The following HMCN2 variants were observed in gnomAD, a reference collection of about 807,000 sequenced individuals.
HMCN2 encodes the protein hemicentin 2, also known as hemicentin-2.
A neutral mutation model predicts 377.5 loss-of-function variants in HMCN2; 325 were observed. The ratio of observed to expected loss-of-function variants is 0.86; its 90% confidence interval spans 0.79 to 0.94. The LOEUF (loss-of-function observed/expected upper bound fraction) is 0.94. Among genes scored for constraint, HMCN2 ranks in the 40% least tolerant of loss-of-function variants. The probability of loss-of-function intolerance (pLI) is 0.00; values close to 1 mark genes in which losing one functional copy is unlikely to be tolerated. For missense variants in HMCN2, 4,543 were observed against 4,725.3 expected, an observed-to-expected ratio of 0.96 and a Z score of 1.13; for synonymous variants, 2,007 against 2,046.8, an observed-to-expected ratio of 0.98 and a Z score of 0.53.
intron 85 of HMCN2, among the ~76,000 whole-genome samples, chr9:130,412,074 C>T (rs942103681): frequency 3.3e-5 from 5 of 152,162 alleles, no homozygotes; most frequent in East Asian, 1.9e-4. Context: ...CGGGTTCAGG[C>T]GTTTCTCCTG....
chr9:130,336,058 G>A (rs1263116767), intron 22 of HMCN2, among the ~76,000 whole-genome samples: 3 of 152,240 alleles, frequency 2.0e-5, no homozygotes, highest in Admixed American at 6.5e-5. Context: ...CTGTAGCCCA[G>A]GAGACCTGCT....
At chr9:130,357,515 T>G (rs545520593) in intron 34 of HMCN2, among the ~76,000 whole-genome samples, 50 of 129,364 alleles carry the variant, frequency 3.9e-4, no homozygotes, top group African/African-American at 1.4e-3. Context: ...GATTGGTAGA[T>G]GATGGATGGG....
chr9:130,345,786 G>A (rs1713743101), intron 25 of HMCN2, among the ~76,000 whole-genome samples: 1 of 151,978 alleles, frequency 6.6e-6, no homozygotes, highest in Non-Finnish European at 1.5e-5. Context: ...GAGCGTGGGT[G>A]GACATGGAGC....
chr9:130,419,642 A>G (rs1843877758), intron 86 of HMCN2: 2 of 152,228 alleles, frequency 1.3e-5, no homozygotes, highest in Admixed American at 6.5e-5. Context: ...AACACTCCAT[A>G]TATGTGGGGA....
At chr9:130,398,187 T>C (rs115005800) in intron 74 of HMCN2, among the ~76,000 whole-genome samples, 1 of 126,920 alleles carries the variant, frequency 7.9e-6, no homozygotes. Context: ...AAGTAAAACA[T>C]GTGAAAGGAT....
chr9:130,329,876 C>T (rs1293873992), intron 22 of HMCN2, among the ~76,000 whole-genome samples: 1 of 152,138 alleles, frequency 6.6e-6, no homozygotes, highest in Non-Finnish European at 1.5e-5. Flanking sequence ...ACACCCCCTC[C>T]GTCCCTCAGT....
At position 130,307,548 on chromosome 9, in the gene HMCN2, C is replaced by G. The variant is rs782426971; in HGVS notation, c.2182C>G (p.Arg728Gly). Residue 728 changes from arginine to glycine, a missense_variant, in exon 14 of 98, where the codon CGA (arginine) becomes GGA (glycine). Arg to Gly is a moderately radical substitution (Grantham distance 125). This residue lies in a region of HMCN2 where 547 missense variants were observed against 189.9 expected (regional missense o/e 2.88). Coordinates refer to ENST00000683500, the MANE Select transcript of HMCN2 (RefSeq NM_001291815.2). The part of the protein sequence containing the change: ...VCEASGVPPP[R>G]VIWYRGGLEM... ...TGAGGCATCTGGGGTTCCCCCGCCCCGAGTCATCTGGTATCGAGGTGTGTT... is the reference window on the plus strand; with the variant it reads ...TGAGGCATCTGGGGTTCCCCCGCCCGGAGTCATCTGGTATCGAGGTGTGTT... 2.1e-6 allele frequency: 1 copy of G among 470,980 alleles called. No homozygotes were observed. The highest frequency in any genetic ancestry group is 2.4e-5 in the Admixed American group (1 of 42,548). 29.2% of individuals were successfully genotyped at this position (470,980 alleles called of 1,614,324 possible).
chr9:130,344,546 T>C (rs1266882633), intron 25 of HMCN2, among the ~76,000 whole-genome samples: 5 of 149,214 alleles, frequency 3.4e-5, no homozygotes, highest in Admixed American at 1.3e-4. Context: ...GTGTATGTGG[T>C]ATGTGGTGTT....
chr9:130,299,348 C>T (rs1487249049), intron 8 of HMCN2, 60 bp downstream of exon 8: 2 of 386,722 alleles, frequency 5.2e-6, no homozygotes, highest in African/African-American at 4.2e-5. Context: ...CCATTTCATC[C>T]TGGAGCCTTC....
At chr9:130,301,106 G>C (rs1404544676) in intron 8 of HMCN2, among the ~76,000 whole-genome samples, 1 of 152,220 alleles carries the variant, frequency 6.6e-6, no homozygotes, top group African/African-American at 2.4e-5. Context: ...GGTGCCCATC[G>C]TGCCTACAGT....
intron 61 of HMCN2, among the ~76,000 whole-genome samples, chr9:130,387,004 G>A (rs980681004): frequency 2.0e-5 from 3 of 152,214 alleles, no homozygotes; most frequent in African/African-American, 7.2e-5. Flanking sequence ...CCATGACAGT[G>A]TCTATAAAGT....
chr9:130,408,395 C>T (rs1321467257), intron 83 of HMCN2, among the ~76,000 whole-genome samples: 1 of 152,240 alleles, frequency 6.6e-6, no homozygotes, highest in Non-Finnish European at 1.5e-5. Context: ...AGGTACTCCG[C>T]TGCTAGTGTA....
chr9:130,392,073 C>T lies in HMCN2; in HGVS notation c.10091C>T (p.Pro3364Leu), dbSNP rs535041246. 1.8e-5 allele frequency: 18 copies of T among 988,604 alleles called. No homozygotes were observed. In the East Asian group the frequency reaches 3.4e-4, roughly 19 times the overall value. 61.2% of individuals were successfully genotyped at this position (988,604 alleles called of 1,614,324 possible). ...VSWLKDGLPL[P>L]LSQRTLLHGS... The stretch of plus-strand genomic sequence containing the variant: ...TGGCTCAAGGACGGCCTGCCCCTCC[C>T]GCTCTCCCAGCGCACCCTCCTCCAC... The change falls in exon 66 of 98, where the codon CCG becomes CTG. Residue 3364 changes from proline (P) to leucine (L), a missense_variant. Physicochemically the swap from Pro to Leu is moderately conservative, Grantham distance 98. Around this residue, in one of 5 missense-constraint regions of HMCN2, gnomAD observed 1,073 missense variants for 1,319.5 expected, o/e 0.81. Coordinates refer to ENST00000683500, the MANE Select transcript of HMCN2 (RefSeq NM_001291815.2).
intron 78 of HMCN2, 138 bp downstream of exon 78, chr9:130,403,034 C>T: frequency 9.8e-7 from 1 of 1,016,706 alleles, no homozygotes; most frequent in Non-Finnish European, 1.3e-6. Flanking sequence ...GATTCTTTGG[C>T]AGGAAAAGAA....
At chr9:130,281,016 T>C (rs1401560261) in intron 1 of HMCN2, among the ~76,000 whole-genome samples, 1 of 151,306 alleles carries the variant, frequency 6.6e-6, no homozygotes, top group Admixed American at 6.6e-5. Flanking sequence ...GGCAGGAGAA[T>C]GGCTTGAACT....
chr9:130,431,092 G>A (rs945228880), intron 95 of HMCN2: 44 of 536,186 alleles, frequency 8.2e-5, no homozygotes, highest in African/African-American at 4.5e-4. Context: ...CTGATGCCTC[G>A]GCATTCCCGC....
At chr9:130,301,543 G>T (rs1836513443) in intron 8 of HMCN2, among the ~76,000 whole-genome samples, 2 of 152,186 alleles carry the variant, frequency 1.3e-5, no homozygotes, top group Admixed American at 1.3e-4. Flanking sequence ...TGGAAATGGG[G>T]AGCCCAAACT....
chr9:130,365,950 G>C lies in HMCN2; in HGVS notation c.6580G>C (p.Glu2194Gln), dbSNP rs772991509. 3 of 985,752 alleles carry C rather than the reference G, an allele frequency of 3.0e-6. No homozygotes were observed. The African/African-American group carries it at 5.2e-5, about 17-fold the overall frequency. 61.1% of individuals were successfully genotyped at this position (985,752 alleles called of 1,614,324 possible). A position where few individuals can be genotyped will look rare whatever the true frequency, so the allele number is the denominator to read the frequency against. Reference sequence around the variant, plus strand: ...GGGGCACCCTACCAGGCTGTCCTGCGAATGCCGGGGTGTCCCCTTCCCCAA... The same window carrying C: ...GGGGCACCCTACCAGGCTGTCCTGCCAATGCCGGGGTGTCCCCTTCCCCAA... ...REGHPTRLSC[E>Q]CRGVPFPKIS... Residue 2194 changes from glutamate to glutamine, a missense_variant, in exon 43 of 98, where the codon GAA becomes CAA. By Grantham distance (29) the Glu-to-Gln change is conservative. Coordinates refer to ENST00000683500, the MANE Select transcript of HMCN2 (RefSeq NM_001291815.2).
intron 36 of HMCN2, 85 bp from the exon 37 acceptor site, chr9:130,359,234 G>A: frequency 1.6e-6 from 1 of 639,772 alleles, no homozygotes; most frequent in Non-Finnish European, 2.4e-6. Flanking sequence ...ATGGGGAGCA[G>A]GGAGCAGCAC....
Sources: allele counts gnomAD v4.1 joint callset (sites outside exome capture counted in the v4.1 genomes callset), GRCh38; gene constraint gnomAD v4.1.1; regional missense constraint gnomAD v4.1.1; transcripts MANE v1.5; gene names NCBI Gene and HGNC (gene_info 2026-07-23, HGNC 2026-07-21).